The following MSR1 variants were observed in gnomAD, a reference collection of about 807,000 sequenced individuals.
MSR1 encodes the protein macrophage scavenger receptor types I and II.
Under a neutral mutation model 47.2 loss-of-function variants are expected in MSR1, and 53 were observed. That is an observed-to-expected ratio of 1.12 (90% CI 0.90 to 1.41). The LOEUF (loss-of-function observed/expected upper bound fraction) is 1.41, where lower values mean the gene tolerates loss of function less well. Ranked by LOEUF, MSR1 falls within the 40% of genes most tolerant of loss-of-function variation. The pLI is 0.00. For synonymous variants in MSR1, 239 were observed against 185.6 expected (o/e 1.29, Z -2.34); for missense variants, 786 against 546.9 (o/e 1.44, Z -4.36).
At chr8:16,119,451 C>T (rs1799947572) in intron 9 of MSR1, among the ~76,000 whole-genome samples, 1 of 152,072 alleles carries the variant, frequency 6.6e-6, no homozygotes, top group Non-Finnish European at 1.5e-5. Flanking sequence ...ATCTCGAACT[C>T]CTGACCTCAA....
intron 8 of MSR1, among the ~76,000 whole-genome samples, chr8:16,126,152 T>G (rs1800123266): frequency 6.6e-6 from 1 of 152,244 alleles, no homozygotes; most frequent in African/African-American, 2.4e-5. Context: ...TTTAAAGTGT[T>G]CCATATATGA....
intron 1 of MSR1, among the ~76,000 whole-genome samples, chr8:16,179,397 T>G (rs34501252): frequency 0.02 from 2,999 of 152,264 alleles, 43 homozygotes; most frequent in South Asian, 0.046. Flanking sequence ...CTTGTCCATA[T>G]CAACATAGGA....
intron 1 of MSR1, among the ~76,000 whole-genome samples, chr8:16,182,411 C>A (rs1801859380): frequency 2.0e-5 from 3 of 152,032 alleles, no homozygotes; most frequent in Admixed American, 6.6e-5. Context: ...AATAAATTAG[C>A]CTTAGTTTAC....
chr8:16,140,674 A>T, intron 8 of MSR1: 13 of 1,287,874 alleles, frequency 1.0e-5, no homozygotes, highest in Non-Finnish European at 1.2e-5. Flanking sequence ...TCAAGACTCT[A>T]GGTCAATGGG....
At chr8:16,136,528 C>A (rs541776854) in intron 8 of MSR1, among the ~76,000 whole-genome samples, 1 of 152,006 alleles carries the variant, frequency 6.6e-6, no homozygotes, top group Admixed American at 6.5e-5. Flanking sequence ...TGGTCTGGAA[C>A]TGAAACCACA....
chr8:16,132,551 G>T (rs1456268147), intron 8 of MSR1, among the ~76,000 whole-genome samples: 1 of 152,014 alleles, frequency 6.6e-6, no homozygotes, highest in Non-Finnish European at 1.5e-5. Flanking sequence ...GCAGTGGCAT[G>T]ATCTTGGCTC....
chr8:16,132,160 T>C (rs1229860217), intron 8 of MSR1, among the ~76,000 whole-genome samples: 1 of 152,122 alleles, frequency 6.6e-6, no homozygotes, highest in Non-Finnish European at 1.5e-5. Context: ...ATCTAGGATT[T>C]CTTTGAGCAG....
chr8:16,162,903 T>C (rs529752317), intron 5 of MSR1, among the ~76,000 whole-genome samples: 133 of 151,858 alleles, frequency 8.8e-4, no homozygotes, highest in African/African-American at 3.1e-3. Flanking sequence ...CAAGATTGTC[T>C]GTATAAAAAA....
chr8:16,163,956 T>TC, intron 5 of MSR1, 109 bp downstream of exon 5: 1 of 885,048 alleles, frequency 1.1e-6, no homozygotes, highest in Non-Finnish European at 1.6e-6. Context: ...AAATGTAAGC[T>TC]CAGAAACTAT....
intron 5 of MSR1, among the ~76,000 whole-genome samples, chr8:16,162,197 T>C (rs1440800545): frequency 6.6e-6 from 1 of 152,026 alleles, no homozygotes; most frequent in Non-Finnish European, 1.5e-5. Flanking sequence ...GTGGCAGTCA[T>C]TTTAAGAGCC....
intron 1 of MSR1, among the ~76,000 whole-genome samples, chr8:16,181,268 C>A (rs990803951): frequency 3.3e-5 from 5 of 152,098 alleles, no homozygotes; most frequent in African/African-American, 1.2e-4. Flanking sequence ...GAGGAACTGC[C>A]ACACTGTCTT....
At chr8:16,123,371 A>G (rs1223871921) in intron 8 of MSR1, among the ~76,000 whole-genome samples, 1 of 152,150 alleles carries the variant, frequency 6.6e-6, no homozygotes, top group African/African-American at 2.4e-5. Flanking sequence ...GATGTAGAAA[A>G]GTTCATTTTG....
rs56321577 is a variant in MSR1, at chr8:16,131,441, G to GTTTTTT, written c.1034-10841_1034-10836dup. Among the ~76,000 whole-genome samples the GTTTTTT allele has an allele frequency of 1.1e-3, 58 of 54,674 alleles. 2 individuals are homozygous for GTTTTTT. Among genetic ancestry groups the GTTTTTT allele is most frequent in the East Asian group, 2.2e-3 (4 of 1,838 alleles). The allele number at this position is 54,674 out of a possible 152,430, so 35.9% of individuals were successfully genotyped here. ...TATGTATCTGTTTACTCTGTTGATA[G>GTTTTTT]TTTTTTTTTTTTTTTTTTTTTTTTG... is the stretch of plus-strand genomic sequence containing the variant. On this transcript the variant is annotated intron_variant, in intron 8 of 9. Transcript: ENST00000262101.
chr8:16,149,265 A>G (rs1017570970), intron 7 of MSR1, among the ~76,000 whole-genome samples: 5 of 152,140 alleles, frequency 3.3e-5, no homozygotes, highest in African/African-American at 1.2e-4. Flanking sequence ...AGAGGAGACC[A>G]TGTGTGCATG....
chr8:16,120,877 T>C lies in MSR1; in HGVS notation c.1034-271A>G, dbSNP rs563633951. The C allele has an allele frequency of 2.4e-5, 11 of 460,612 alleles. No individual in the cohort carries two copies. The East Asian group carries it at 4.1e-4, about 17-fold the overall frequency. The allele number at this position is 460,612 out of a possible 1,614,324, so 28.5% of individuals were successfully genotyped here. On this transcript the variant is annotated intron_variant, in intron 8 of 9. Transcript: ENST00000262101. ...ATATACGAGGACACGTCACAGATTA[T>C]ATTCCAACGAGTTTGAATTTTGACA...
At chr8:16,137,470 CT>C (rs1800420020) in intron 8 of MSR1, among the ~76,000 whole-genome samples, 1 of 152,078 alleles carries the variant, frequency 6.6e-6, no homozygotes, top group South Asian at 2.1e-4. Context: ...CTTTCCCTCT[CT>C]TTCTCTTTGC....
chr8:16,139,469 C>T, intron 8 of MSR1: 3 of 982,092 alleles, frequency 3.1e-6, no homozygotes, highest in Non-Finnish European at 3.6e-6. Flanking sequence ...GGCATACCAT[C>T]TAGAGTTCTA....
At chr8:16,186,147 G>C (rs1446263443) in intron 1 of MSR1, 2 of 1,530,972 alleles carry the variant, frequency 1.3e-6, no homozygotes, top group Admixed American at 3.9e-5. Flanking sequence ...AATGAAAGTT[G>C]TTCATGCTCA....
At chr8:16,190,193 G>A (rs1034349141) in intron 1 of MSR1, among the ~76,000 whole-genome samples, 12 of 151,848 alleles carry the variant, frequency 7.9e-5, no homozygotes, top group Non-Finnish European at 1.3e-4. Context: ...CCACTGCCCC[G>A]GCCATTATTT....
Sources: allele counts gnomAD v4.1 joint callset (sites outside exome capture counted in the v4.1 genomes callset), GRCh38; gene constraint gnomAD v4.1.1; transcripts MANE v1.5; gene names NCBI Gene and HGNC (gene_info 2026-07-23, HGNC 2026-07-21).